SYNPR: variants seen among roughly 807,000 people sequenced by gnomAD.
The protein encoded by SYNPR is synaptoporin.
In SYNPR, 23 loss-of-function variants were observed where a neutral mutation model predicts 32.9. That is an observed-to-expected ratio of 0.70 (90% CI 0.50 to 0.99). SYNPR has a LOEUF of 0.99. SYNPR is among the 50% of genes least tolerant of loss of function. SYNPR has a pLI of 0.00. For synonymous variants in SYNPR, 146 were observed against 135.9 expected (o/e 1.07, Z -0.52); for missense variants, 318 against 349.3 (o/e 0.91, Z 0.71).
At chr3:63,499,745 A>AT (rs1277197433) in intron 3 of SYNPR, among the ~76,000 whole-genome samples, 1 of 152,176 alleles carries the variant, frequency 6.6e-6, no homozygotes, top group Non-Finnish European at 1.5e-5. Context: ...CCTTCCAAAA[A>AT]TACCCTCATT....
exon 1 of SYNPR, chr3:63,228,329 G>T (rs1045474123): frequency 6.6e-6 from 1 of 152,158 alleles, no homozygotes; most frequent in Non-Finnish European, 1.5e-5. Context: ...AGATTCAGTG[G>T]CCTTGGAGAA....
At chr3:63,515,269 C>A (rs1039004419) in intron 3 of SYNPR, among the ~76,000 whole-genome samples, 1 of 152,032 alleles carries the variant, frequency 6.6e-6, no homozygotes, top group Non-Finnish European at 1.5e-5. Flanking sequence ...TCCTACTCCC[C>A]CTCTGTTGTT....
chr3:63,481,712 G>A (rs1416425590), intron 3 of SYNPR, among the ~76,000 whole-genome samples: 1 of 152,138 alleles, frequency 6.6e-6, no homozygotes, highest in African/African-American at 2.4e-5. Flanking sequence ...GTGCTGTGCT[G>A]TGCTGGTGGA....
intron 2 of SYNPR, among the ~76,000 whole-genome samples, chr3:63,336,036 A>G (rs1320248124): frequency 1.3e-5 from 2 of 152,110 alleles, no homozygotes; most frequent in African/African-American, 4.8e-5. Flanking sequence ...TCGGCCTCCC[A>G]TTAGCTTCCT....
intron 2 of SYNPR, among the ~76,000 whole-genome samples, chr3:63,354,042 C>T (rs1398456393): frequency 6.6e-6 from 1 of 152,142 alleles, no homozygotes. Context: ...TGCCAGAGAA[C>T]TTAAACAAGT....
intron 2 of SYNPR, among the ~76,000 whole-genome samples, chr3:63,313,359 C>A (rs1032248625): frequency 1.1e-4 from 16 of 151,720 alleles, no homozygotes; most frequent in Middle Eastern, 3.4e-3. Context: ...TTATCCCTCA[C>A]CCCGCTCCCA....
At chr3:63,566,795 A>G (rs914693180) in intron 4 of SYNPR, among the ~76,000 whole-genome samples, 3 of 152,202 alleles carry the variant, frequency 2.0e-5, no homozygotes, top group Admixed American at 2.0e-4. Flanking sequence ...GTCAGAGTAA[A>G]TGGGTTATTA....
intron 2 of SYNPR, among the ~76,000 whole-genome samples, chr3:63,343,161 C>T (rs1431510076): frequency 2.0e-5 from 3 of 152,052 alleles, no homozygotes; most frequent in Non-Finnish European, 2.9e-5. Flanking sequence ...GTGGAAAGAG[C>T]AACAAGGAAT....
chr3:63,260,301 C>G (rs1022632925), intron 2 of SYNPR, among the ~76,000 whole-genome samples: 1 of 152,160 alleles, frequency 6.6e-6, no homozygotes, highest in South Asian at 2.1e-4. Flanking sequence ...GGAGGCATCA[C>G]GCTACCTGAC....
chr3:63,289,954 C>T (rs1164398925), intron 2 of SYNPR, among the ~76,000 whole-genome samples: 1 of 151,906 alleles, frequency 6.6e-6, no homozygotes, highest in Non-Finnish European at 1.5e-5. Context: ...CATGGTGAAA[C>T]CCCCTCTCTA....
intron 2 of SYNPR, among the ~76,000 whole-genome samples, chr3:63,298,445 A>G (rs945303725): frequency 5.4e-5 from 8 of 146,800 alleles, no homozygotes; most frequent in Non-Finnish European, 1.1e-4. Context: ...GGAAATAGGA[A>G]TGAAGAACCA....
chr3:63,307,544 C>G (rs2086920337), intron 2 of SYNPR, among the ~76,000 whole-genome samples: 1 of 151,972 alleles, frequency 6.6e-6, no homozygotes, highest in South Asian at 2.1e-4. Flanking sequence ...CTCCTCTTGG[C>G]TTGCTCTTTA....
chr3:63,319,546 A>C (rs2087085645), intron 2 of SYNPR, among the ~76,000 whole-genome samples: 1 of 152,086 alleles, frequency 6.6e-6, no homozygotes, highest in African/African-American at 2.4e-5. Flanking sequence ...AAGATAAACT[A>C]CCTAGGAATA....
intron 3 of SYNPR, among the ~76,000 whole-genome samples, chr3:63,546,979 C>T (rs1406815303): frequency 3.3e-5 from 5 of 152,082 alleles, no homozygotes; most frequent in African/African-American, 9.6e-5. Context: ...GCCATTTATC[C>T]GAAGATATGG....
intron 2 of SYNPR, among the ~76,000 whole-genome samples, chr3:63,386,151 C>T (rs369367054): frequency 4.6e-5 from 7 of 152,142 alleles, no homozygotes; most frequent in African/African-American, 7.2e-5. Context: ...GGTCCATGGG[C>T]GTCAGCATCA....
rs768508599 is a variant in SYNPR, at chr3:63,480,893, T to C, written c.146T>C (p.Val49Ala). 1 of 1,613,674 alleles carries C rather than the reference T, an allele frequency of 6.2e-7. No individual in the cohort carries two copies. The highest frequency in any genetic ancestry group is 8.5e-7 in the Non-Finnish European group (1 of 1,179,650). The change falls in exon 3 of 6, where the codon GTG becomes GCG. Residue 49 changes from valine to alanine, a missense_variant. Val to Ala is a moderately conservative substitution (Grantham distance 64). Transcript: ENST00000478300. Reference protein sequence around the residue: ...GGYSGGLRLSVDCVNKTESNL... With the variant: ...GGYSGGLRLSADCVNKTESNL... ...TATTCTGGAGGCCTGCGGCTGAGTG[T>C]GGACTGCGTCAACAAGACAGAAAGT... is the stretch of plus-strand genomic sequence containing the variant.
chr3:63,567,247 T>G (rs915863527), intron 4 of SYNPR, among the ~76,000 whole-genome samples: 1 of 152,012 alleles, frequency 6.6e-6, no homozygotes, highest in African/African-American at 2.4e-5. Flanking sequence ...ACTACCCCAT[T>G]AAATCAGCCA....
intron 1 of SYNPR, among the ~76,000 whole-genome samples, chr3:63,231,920 A>G (rs1010802831): frequency 2.6e-5 from 4 of 152,206 alleles, no homozygotes; most frequent in Non-Finnish European, 5.9e-5. Context: ...TAACAAGATC[A>G]GTGAACCCCG....
chr3:63,391,195 A>G lies in SYNPR; in HGVS notation c.85-89637A>G, dbSNP rs1013419507. Among the ~76,000 whole-genome samples, 3 of 152,122 alleles carry G rather than the reference A, an allele frequency of 2.0e-5. No homozygotes were observed. In the South Asian group the frequency reaches 6.2e-4, roughly 31 times the overall value. On this transcript the variant is annotated intron_variant, in intron 2 of 5. Transcript: ENST00000478300. Reference sequence around the variant, plus strand: ...TTGAGAATGGAGCTATCTACCACTCATCCTTCCTGGTCCCTCCCTGGGGGC... The same window carrying G: ...TTGAGAATGGAGCTATCTACCACTCGTCCTTCCTGGTCCCTCCCTGGGGGC...
Sources: allele counts gnomAD v4.1 joint callset (sites outside exome capture counted in the v4.1 genomes callset), GRCh38; gene constraint gnomAD v4.1.1; transcripts MANE v1.5; gene names NCBI Gene and HGNC (gene_info 2026-07-23, HGNC 2026-07-21).